Variants in ETV1 observed in about 807,000 individuals in gnomAD.
ETV1 encodes the protein ETS translocation variant 1.
Under a neutral mutation model 62.3 loss-of-function variants are expected in ETV1, and 27 were observed. That is an observed-to-expected ratio of 0.43 (90% CI 0.32 to 0.60). The LOEUF (loss-of-function observed/expected upper bound fraction) is 0.60. Ranked by LOEUF, ETV1 falls within the 20% of genes least tolerant of loss-of-function variation. The pLI is 0.06. For synonymous variants in ETV1, 222 were observed against 199.6 expected (o/e 1.11, Z -0.94); for missense variants, 605 against 605.8 (o/e 1.00, Z 0.01).
chr7:13,975,166 T>C (rs1382654101), intron 6 of ETV1: 3 of 152,226 alleles, frequency 2.0e-5, no homozygotes, highest in African/African-American at 7.2e-5. Flanking sequence ...GTGTGCTCAA[T>C]GGCCAATGTG....
rs527315873 is a variant in ETV1, at chr7:13,969,649, C to A, written c.235+7778G>T. The stretch of plus-strand genomic sequence containing the variant: ...CTCTCACAGGATAGGAAACAGGAAG[C>A]TGCATTTGCACAAGCTTCCCAAATG... On this transcript the variant is annotated intron_variant, in intron 6 of 13. Transcript: ENST00000430479. Among the ~76,000 whole-genome samples the A allele has an allele frequency of 5.9e-5, 9 of 152,268 alleles. No individual in the cohort carries two copies. The East Asian group carries it at 1.7e-3, about 29-fold the overall frequency.
At chr7:13,922,293 G>T (rs1235330651) in intron 9 of ETV1, among the ~76,000 whole-genome samples, 2 of 152,096 alleles carry the variant, frequency 1.3e-5, no homozygotes, top group Non-Finnish European at 2.9e-5. Context: ...GTAACAACTT[G>T]GTGACACTTC....
At chr7:13,934,609 A>G (rs1351840028) in intron 8 of ETV1, among the ~76,000 whole-genome samples, 3 of 152,230 alleles carry the variant, frequency 2.0e-5, no homozygotes, top group Non-Finnish European at 4.4e-5. Flanking sequence ...AAATTATATA[A>G]CTTCACAATC....
chr7:13,905,965 G>A (rs1017258383), intron 12 of ETV1, among the ~76,000 whole-genome samples: 1 of 152,010 alleles, frequency 6.6e-6, no homozygotes, highest in Admixed American at 6.6e-5. Flanking sequence ...ACATAACTTT[G>A]GCCTCTAAAT....
chr7:13,906,740 A>G lies in ETV1; in HGVS notation c.941-141T>C, dbSNP rs1783008762. 17 of 592,568 alleles carry G rather than the reference A, an allele frequency of 2.9e-5. No homozygotes were observed. In the South Asian group the frequency reaches 5.5e-4, roughly 19 times the overall value. 36.7% of individuals were successfully genotyped at this position (592,568 alleles called of 1,614,324 possible). A position where few individuals can be genotyped will look rare whatever the true frequency, so the allele number is the denominator to read the frequency against. ...TTTATGAAATATATTATTACCATTA[A>G]AGAGGAATTTAAAATAGTTAAATGG... On this transcript the variant is annotated intron_variant, in intron 11 of 13. Coordinates refer to ENST00000430479, the MANE Select transcript of ETV1 (RefSeq NM_004956.5).
At chr7:13,936,279 C>T (rs989863799) in intron 7 of ETV1, among the ~76,000 whole-genome samples, 1 of 152,062 alleles carries the variant, frequency 6.6e-6, no homozygotes, top group African/African-American at 2.4e-5. Flanking sequence ...ATATTATATT[C>T]TTCTTTTATA....
At chr7:13,898,053 A>T (rs2128402506) in intron 13 of ETV1, among the ~76,000 whole-genome samples, 1 of 152,288 alleles carries the variant, frequency 6.6e-6, no homozygotes, top group Non-Finnish European at 1.5e-5. Flanking sequence ...TTCCTTCTGT[A>T]TTGCTTTTGA....
chr7:13,958,436 G>A (rs1583796966), intron 6 of ETV1, among the ~76,000 whole-genome samples: 1 of 152,056 alleles, frequency 6.6e-6, no homozygotes, highest in Non-Finnish European at 1.5e-5. Flanking sequence ...ATTAATACCT[G>A]GTCTTGTCCC....
chr7:13,956,258 C>T (rs62454609), intron 6 of ETV1, among the ~76,000 whole-genome samples: 2,026 of 152,094 alleles, frequency 0.013, 20 homozygotes, highest in African/African-American at 0.02. Flanking sequence ...CTTAAATGTT[C>T]GTTAAATTCT....
In ETV1 at chr7:13,940,998, C is replaced by G. The variant is rs574369974; in HGVS notation, c.236-1752G>C. ...AATAATTACCCTTGGTACACTATTT[C>G]AAAGCATTTTTTAATGTAGTGTGTG... On this transcript the variant is annotated intron_variant, in intron 6 of 13. Coordinates refer to ENST00000430479, the MANE Select transcript of ETV1 (RefSeq NM_004956.5). Among the ~76,000 whole-genome samples the G allele has an allele frequency of 1.8e-4, 28 of 152,180 alleles. No homozygotes were observed. The South Asian group carries it at 5.0e-3, about 27-fold the overall frequency.
At chr7:13,986,113 C>G in intron 5 of ETV1, 1 of 1,577,836 alleles carries the variant, frequency 6.3e-7, no homozygotes, top group Non-Finnish European at 8.6e-7. Flanking sequence ...ATTAGATACA[C>G]ACCTAACGTT....
chr7:13,915,211 T>A (rs185585472), intron 9 of ETV1, among the ~76,000 whole-genome samples: 3 of 152,200 alleles, frequency 2.0e-5, no homozygotes, highest in African/African-American at 7.2e-5. Flanking sequence ...GGAGTTGATA[T>A]GACAAAATCA....
At chr7:13,902,366 A>G (rs193069923) in intron 12 of ETV1, among the ~76,000 whole-genome samples, 2 of 151,928 alleles carry the variant, frequency 1.3e-5, no homozygotes, top group East Asian at 3.9e-4. Context: ...AATGACATGC[A>G]TCAGTATGTT....
At chr7:13,912,114 G>A (rs1255920290) in intron 9 of ETV1, among the ~76,000 whole-genome samples, 1 of 152,152 alleles carries the variant, frequency 6.6e-6, no homozygotes, top group Non-Finnish European at 1.5e-5. Flanking sequence ...TTTATTGACT[G>A]CTGCACACCT....
chr7:13,985,971 A>T (rs1782511547), intron 5 of ETV1: 1 of 674,870 alleles, frequency 1.5e-6, no homozygotes, highest in Non-Finnish European at 2.5e-6. Flanking sequence ...TGCTCTATTA[A>T]ATAAATCCTA....
At chr7:13,928,511 G>C (rs2128445882) in intron 9 of ETV1, among the ~76,000 whole-genome samples, 1 of 152,266 alleles carries the variant, frequency 6.6e-6, no homozygotes, top group East Asian at 1.9e-4. Context: ...CTACTCCGGA[G>C]GCTGAGGGAG....
At chr7:13,974,905 G>C (rs1302052532) in intron 6 of ETV1, 1 of 152,344 alleles carries the variant, frequency 6.6e-6, no homozygotes, top group African/African-American at 2.4e-5. Context: ...AGGGCTAAGG[G>C]AGCAAGTCCA....
At chr7:13,946,781 T>A (rs961951172) in intron 6 of ETV1, among the ~76,000 whole-genome samples, 5 of 152,172 alleles carry the variant, frequency 3.3e-5, no homozygotes, top group African/African-American at 1.2e-4. Flanking sequence ...TTATTTTATT[T>A]ATTTATTCAT....
At chr7:13,900,899 A>C (rs1308227563) in intron 12 of ETV1, 60 bp from the exon 13 acceptor site, 4 of 1,142,212 alleles carry the variant, frequency 3.5e-6, no homozygotes, top group Non-Finnish European at 5.0e-6. Context: ...ATATTTCATA[A>C]AAATTATTTA....
Sources: gnomAD v4.1 joint callset for allele counts (sites outside exome capture counted in the v4.1 genomes callset) on GRCh38, gnomAD v4.1.1 for gene constraint, MANE v1.5 for transcripts, NCBI Gene and HGNC (gene_info 2026-07-23, HGNC 2026-07-21) for gene names.